The following PARG variants were observed in gnomAD, a reference collection of about 807,000 sequenced individuals.
The protein encoded by PARG is poly(ADP-ribose) glycohydrolase.
A neutral mutation model predicts 113.0 loss-of-function variants in PARG; 35 were observed. The ratio of observed to expected loss-of-function variants is 0.31; its 90% CI spans 0.24 to 0.41. The LOEUF (loss-of-function observed/expected upper bound fraction) is 0.41, where lower values mean the gene tolerates loss of function less well. Among genes scored for constraint, PARG ranks in the 10% least tolerant of loss-of-function variants. The probability of loss-of-function intolerance (pLI) is 1.00; values close to 1 mark genes in which losing one functional copy is unlikely to be tolerated. For synonymous variants in PARG, 330 were observed against 409.9 expected, an observed-to-expected ratio of 0.81 and a Z score of 2.36; for missense variants, 797 against 1,169.4, an observed-to-expected ratio of 0.68 and a Z score of 4.64.
chr10:49,915,537 A>G (rs1203905306), intron 7 of PARG, among the ~76,000 whole-genome samples: 27 of 152,150 alleles, frequency 1.8e-4, no homozygotes. Flanking sequence ...CTAAAGAAAC[A>G]ATATCAAATA....
intron 7 of PARG, among the ~76,000 whole-genome samples, chr10:49,910,380 A>G (rs568893655): frequency 6.6e-6 from 1 of 152,358 alleles, no homozygotes; most frequent in Non-Finnish European, 1.5e-5. Context: ...TACAAAGAGA[A>G]ACATATTACT....
intron 13 of PARG, among the ~76,000 whole-genome samples, chr10:49,856,518 G>T (rs1554835076): frequency 1.3e-5 from 2 of 152,192 alleles, no homozygotes; most frequent in African/African-American, 4.8e-5. Flanking sequence ...TCAAAATAGG[G>T]TAAACAAAAG....
Position 49,934,404 on chromosome 10 carries a change from C to T in PARG, c.285-241G>A, listed in dbSNP as rs1413254627. ...TCACTCACCTCTCTGTGCAGTCTTC[C>T]TTTAGGGACCAAAGGTAAAGTTGAA... is the stretch of plus-strand genomic sequence containing the variant. On this transcript the variant is annotated intron_variant, in intron 2 of 17. Coordinates refer to ENST00000616448, the MANE Select transcript of PARG (RefSeq NM_003631.5). Among the ~76,000 whole-genome samples the T allele has an allele frequency of 9.2e-5, 14 of 152,056 alleles. 1 individual carries two copies. Among genetic ancestry groups the T allele is most frequent in the African/African-American group, 3.4e-4 (14 of 41,444 alleles).
intron 6 of PARG, among the ~76,000 whole-genome samples, chr10:49,920,307 G>A (rs1837725070): frequency 6.6e-6 from 1 of 150,570 alleles, no homozygotes; most frequent in Non-Finnish European, 1.5e-5. Flanking sequence ...AATTAGTCTG[G>A]GCATGGTGGC....
chr10:49,884,272 T>A (rs1847354169), intron 8 of PARG, among the ~76,000 whole-genome samples: 1 of 152,228 alleles, frequency 6.6e-6, no homozygotes, highest in Non-Finnish European at 1.5e-5. Flanking sequence ...AATATATAAT[T>A]AACGTACTCC....
At chr10:49,848,949 A>G (rs1232349569) in intron 13 of PARG, among the ~76,000 whole-genome samples, 2 of 151,860 alleles carry the variant, frequency 1.3e-5, no homozygotes, top group African/African-American at 4.8e-5. Context: ...AACATTGTTA[A>G]GATGTCAATT....
intron 7 of PARG, among the ~76,000 whole-genome samples, chr10:49,915,105 G>A (rs192684320): frequency 1.8e-4 from 27 of 148,526 alleles, no homozygotes; most frequent in Admixed American, 6.1e-4. Context: ...ATATGATCCC[G>A]AAAACAGAAG....
At chr10:49,936,418 A>G (rs1838741288) in intron 1 of PARG, among the ~76,000 whole-genome samples, 2 of 152,230 alleles carry the variant, frequency 1.3e-5, no homozygotes, top group African/African-American at 2.4e-5. Flanking sequence ...AAGTAACTAG[A>G]TAGAAAACCA....
chr10:49,938,404 C>A (rs1340369540), intron 1 of PARG, among the ~76,000 whole-genome samples: 18 of 152,098 alleles, frequency 1.2e-4, no homozygotes, highest in African/African-American at 4.3e-4. Flanking sequence ...TTATTCAGTA[C>A]CCAGTATATT....
intron 7 of PARG, among the ~76,000 whole-genome samples, chr10:49,900,801 T>C (rs1848316604): frequency 6.6e-6 from 1 of 151,456 alleles, no homozygotes; most frequent in Admixed American, 6.6e-5. Flanking sequence ...CATGGCCATA[T>C]CCATCAATCA....
At chr10:49,918,976 T>C (rs565402334) in intron 6 of PARG, among the ~76,000 whole-genome samples, 166 of 152,274 alleles carry the variant, frequency 1.1e-3, no homozygotes, top group African/African-American at 3.5e-3. Flanking sequence ...TTTCGCTCTT[T>C]GTTGCCCAGG....
At chr10:49,906,583 A>T (rs1848604513) in intron 7 of PARG, among the ~76,000 whole-genome samples, 1 of 152,088 alleles carries the variant, frequency 6.6e-6, no homozygotes, top group African/African-American at 2.4e-5. Flanking sequence ...TAGTTACTTA[A>T]ACTCCCTAAA....
intron 14 of PARG, among the ~76,000 whole-genome samples, chr10:49,843,057 A>C (rs1218334169): frequency 3.3e-5 from 5 of 152,242 alleles, no homozygotes; most frequent in Admixed American, 3.3e-4. Flanking sequence ...TCAAAGTAGA[A>C]GACTATATTT....
chr10:49,937,219 G>A (rs1838790896), intron 1 of PARG, among the ~76,000 whole-genome samples: 1 of 152,236 alleles, frequency 6.6e-6, no homozygotes, highest in African/African-American at 2.4e-5. Flanking sequence ...GCTTATGCCT[G>A]TAATCCCAAC....
chr10:49,853,240 G>T (rs181730649), intron 13 of PARG, among the ~76,000 whole-genome samples: 1 of 151,768 alleles, frequency 6.6e-6, no homozygotes, highest in Non-Finnish European at 1.5e-5. Context: ...GTTTCACCAC[G>T]TTAGCCAGGA....
At chr10:49,936,607 T>C (rs1479868613) in intron 1 of PARG, among the ~76,000 whole-genome samples, 1 of 152,214 alleles carries the variant, frequency 6.6e-6, no homozygotes, top group Non-Finnish European at 1.5e-5. Context: ...GGATTAAATG[T>C]ACATCATATT....
At chr10:49,832,406 C>T (rs1554830399) in intron 16 of PARG, among the ~76,000 whole-genome samples, 1 of 152,196 alleles carries the variant, frequency 6.6e-6, no homozygotes, top group Admixed American at 6.5e-5. Flanking sequence ...CAGAGCCTAC[C>T]ACTGTGCCTA....
chr10:49,838,243 C>A (rs1845042003), intron 15 of PARG, among the ~76,000 whole-genome samples: 1 of 151,846 alleles, frequency 6.6e-6, no homozygotes, highest in Non-Finnish European at 1.5e-5. Context: ...TGAGCCTGAC[C>A]AACATGGAGA....
intron 1 of PARG, among the ~76,000 whole-genome samples, chr10:49,938,143 C>T (rs1159013869): frequency 6.6e-6 from 1 of 152,216 alleles, no homozygotes; most frequent in Non-Finnish European, 1.5e-5. Context: ...ACTAGTACCA[C>T]CTTGGTCCAG....
Sources: allele counts gnomAD v4.1 joint callset (sites outside exome capture counted in the v4.1 genomes callset), GRCh38; gene constraint gnomAD v4.1.1; transcripts MANE v1.5; gene names NCBI Gene and HGNC (gene_info 2026-07-23, HGNC 2026-07-21).